CALN1: variants seen among roughly 807,000 people sequenced by gnomAD.
CALN1 encodes the protein calcium-binding protein 8.
Under a neutral mutation model 30.6 loss-of-function variants are expected in CALN1, and 17 were observed. The ratio of observed to expected loss-of-function variants is 0.56; its 90% CI spans 0.38 to 0.83. CALN1 has a LOEUF of 0.83. Ranked by LOEUF, CALN1 falls within the 40% of genes least tolerant of loss-of-function variation. The pLI is 0.00. For missense variants in CALN1, 291 were observed against 354.9 expected (o/e 0.82, Z 1.45); for synonymous variants, 156 against 131.4 (o/e 1.19, Z -1.28).
chr7:72,370,844 G>C (rs886289757), intron 2 of CALN1, among the ~76,000 whole-genome samples: 1 of 151,906 alleles, frequency 6.6e-6, no homozygotes, highest in Admixed American at 6.6e-5. Context: ...TTAGGAGTTT[G>C]AGACCAGCCA....
chr7:71,929,063 A>C (rs1424070905), intron 5 of CALN1, among the ~76,000 whole-genome samples: 19 of 152,020 alleles, frequency 1.2e-4, no homozygotes, highest in Admixed American at 1.2e-3. Flanking sequence ...GGCTACTTCC[A>C]CTTAGCATAA....
Position 71,949,422 on chromosome 7 carries a change from T to C in CALN1, c.501+74235A>G, listed in dbSNP as rs963937525. Among the ~76,000 whole-genome samples the C allele has an allele frequency of 2.0e-5, 3 of 152,126 alleles. No homozygotes were observed. The South Asian group carries it at 6.2e-4, about 32-fold the overall frequency. The stretch of plus-strand genomic sequence containing the variant: ...TGTTTGAGATGGAGTCTCACTCTGT[T>C]GCCCAGACTGGAGTGCAGTGGTGTG... On this transcript the variant is annotated intron_variant, in intron 5 of 6. Coordinates refer to ENST00000395275, the MANE Select transcript of CALN1 (RefSeq NM_031468.4).
chr7:71,907,302 C>T (rs906031098), intron 5 of CALN1, among the ~76,000 whole-genome samples: 3 of 151,328 alleles, frequency 2.0e-5, no homozygotes. Context: ...CCATCGCAAG[C>T]GTCTCCAGAA....
chr7:72,402,641 G>C (rs906632235), intron 2 of CALN1, among the ~76,000 whole-genome samples: 8 of 152,138 alleles, frequency 5.3e-5, no homozygotes, highest in South Asian at 2.1e-4. Flanking sequence ...AGAAAAAAGA[G>C]CAAGATCAAA....
chr7:72,182,488 G>A (rs189807358), intron 3 of CALN1, among the ~76,000 whole-genome samples: 20 of 152,312 alleles, frequency 1.3e-4, no homozygotes, highest in South Asian at 4.2e-4. Context: ...AGGAGGCCGA[G>A]AAGAGCAGAT....
chr7:72,452,718 C>A, the CALN1 span, among the ~76,000 whole-genome samples: 1 of 152,150 alleles, frequency 6.6e-6, no homozygotes, highest in Non-Finnish European at 1.5e-5. Flanking sequence ...CTTTATTGAA[C>A]CTCTAAGAGA....
chr7:71,910,687 A>G (rs1215816922), intron 5 of CALN1, among the ~76,000 whole-genome samples: 3 of 152,174 alleles, frequency 2.0e-5, no homozygotes, highest in Non-Finnish European at 4.4e-5. Flanking sequence ...TACTCATTCT[A>G]GCAGATTCTA....
intron 4 of CALN1, among the ~76,000 whole-genome samples, chr7:72,033,613 C>T (rs1334132361): frequency 6.6e-6 from 1 of 151,962 alleles, no homozygotes; most frequent in African/African-American, 2.4e-5. Context: ...GGGAGATAAG[C>T]TGAGTGGCCT....
intron 3 of CALN1, among the ~76,000 whole-genome samples, chr7:72,162,544 G>A (rs1788184335): frequency 6.6e-6 from 1 of 151,808 alleles, no homozygotes; most frequent in African/African-American, 2.4e-5. Context: ...GATCAGCCTG[G>A]GCAACATGGT....
chr7:72,485,861 G>A, the CALN1 span, among the ~76,000 whole-genome samples: 7 of 151,206 alleles, frequency 4.6e-5, no homozygotes, highest in African/African-American at 1.5e-4. Context: ...CAACAAGAGC[G>A]AAACTACATC....
At chr7:71,891,983 T>C (rs1428204289) in intron 5 of CALN1, among the ~76,000 whole-genome samples, 2 of 151,940 alleles carry the variant, frequency 1.3e-5, no homozygotes, top group Non-Finnish European at 2.9e-5. Context: ...AAGTGCTATG[T>C]ATGTGTTTGT....
intron 2 of CALN1, among the ~76,000 whole-genome samples, chr7:72,347,529 G>A (rs1802710804): frequency 6.6e-6 from 1 of 152,078 alleles, no homozygotes; most frequent in South Asian, 2.1e-4. Flanking sequence ...GCCTCCCAAA[G>A]TGCTGGGGTT....
At chr7:71,821,536 C>T (rs1318035923) in intron 5 of CALN1, among the ~76,000 whole-genome samples, 3 of 152,092 alleles carry the variant, frequency 2.0e-5, no homozygotes, top group Admixed American at 6.6e-5. Context: ...ACCACCAGAA[C>T]GGTATGGGGG....
chr7:71,910,752 A>G (rs917987029), intron 5 of CALN1, among the ~76,000 whole-genome samples: 1 of 152,144 alleles, frequency 6.6e-6, no homozygotes, highest in African/African-American at 2.4e-5. Context: ...AGTCCCCCTG[A>G]AGCTACCCTT....
intron 4 of CALN1, among the ~76,000 whole-genome samples, chr7:72,063,373 A>T (rs917210): frequency 0.45 from 69,058 of 152,090 alleles, 15,927 homozygotes; most frequent in East Asian, 0.65. Flanking sequence ...CAATGCCATA[A>T]GTCTCTTGGG....
the CALN1 span, among the ~76,000 whole-genome samples, chr7:72,464,053 GAAAGAGAAAGAAA>G: frequency 7.0e-6 from 1 of 143,290 alleles, no homozygotes; most frequent in Non-Finnish European, 1.5e-5. Context: ...AAAGAAAGAA[GAAAGAGAAAGAAA>G]GAAAGAAGAA....
the CALN1 span, among the ~76,000 whole-genome samples, chr7:72,468,190 T>C: frequency 4.3e-3 from 653 of 152,364 alleles, 4 homozygotes; most frequent in African/African-American, 0.015. Context: ...CCATTGTGAA[T>C]AGTACTGCTA....
chr7:71,925,594 T>C (rs962143698), intron 5 of CALN1, among the ~76,000 whole-genome samples: 7 of 152,054 alleles, frequency 4.6e-5, no homozygotes, highest in African/African-American at 1.7e-4. Context: ...ATTTTTAAAA[T>C]ATTTTCCTTT....
At chr7:72,410,428 C>T (rs1012206642) in intron 1 of CALN1, among the ~76,000 whole-genome samples, 1 of 152,200 alleles carries the variant, frequency 6.6e-6, no homozygotes, top group African/African-American at 2.4e-5. Context: ...AAAGCGAAAT[C>T]CTTCTACATG....
Sources: gnomAD v4.1 joint callset for allele counts (sites outside exome capture counted in the v4.1 genomes callset) on GRCh38, gnomAD v4.1.1 for gene constraint, MANE v1.5 for transcripts, NCBI Gene and HGNC (gene_info 2026-07-23, HGNC 2026-07-21) for gene names.